Variants in HSD17B12 observed in about 807,000 individuals in gnomAD.
HSD17B12 encodes very-long-chain 3-oxoacyl-CoA reductase.
HSD17B12 carries 32 observed loss-of-function variants against 39.3 expected under a neutral mutation model. The ratio of observed to expected loss-of-function variants is 0.81; its 90% CI spans 0.61 to 1.09. The LOEUF (loss-of-function observed/expected upper bound fraction) is 1.09. Ranked by LOEUF, HSD17B12 falls within the 50% of genes least tolerant of loss-of-function variation. The probability of loss-of-function intolerance (pLI) is 0.00; values close to 1 mark genes in which losing one functional copy is unlikely to be tolerated. For missense variants in HSD17B12, 342 were observed against 382.9 expected (o/e 0.89, Z 0.89); for synonymous variants, 150 against 146.7 (o/e 1.02, Z -0.16).
intron 1 of HSD17B12, among the ~76,000 whole-genome samples, chr11:43,733,462 CAT>C (rs1450721531): frequency 6.6e-6 from 1 of 152,158 alleles, no homozygotes; most frequent in Non-Finnish European, 1.5e-5. Flanking sequence ...GTGTTTGGCA[CAT>C]GTTAGGCACT....
chr11:43,701,628 G>C (rs1157876648), intron 1 of HSD17B12, among the ~76,000 whole-genome samples: 1 of 152,126 alleles, frequency 6.6e-6, no homozygotes, highest in Non-Finnish European at 1.5e-5. Flanking sequence ...TGTTGAAAAT[G>C]AGTTCACTGT....
At chr11:43,811,266 C>G (rs757179940) in intron 4 of HSD17B12, among the ~76,000 whole-genome samples, 2 of 152,154 alleles carry the variant, frequency 1.3e-5, no homozygotes, top group Admixed American at 6.5e-5. Context: ...TTTCTCTATA[C>G]TCCTAAATAA....
chr11:43,677,046 G>A (rs1224605401), upstream of HSD17B12, among the ~76,000 whole-genome samples: 2 of 152,072 alleles, frequency 1.3e-5, no homozygotes, highest in Non-Finnish European at 2.9e-5. Context: ...CCCAGCCAAA[G>A]GTACCAAATT....
chr11:43,594,277 T>C, the HSD17B12 span, among the ~76,000 whole-genome samples: 12 of 152,214 alleles, frequency 7.9e-5, no homozygotes, highest in South Asian at 4.1e-4. Flanking sequence ...AAAAAAATTA[T>C]AGCAATTTCT....
chr11:43,837,004 G>A (rs2139153), intron 7 of HSD17B12, among the ~76,000 whole-genome samples: 99,738 of 151,874 alleles, frequency 0.66, 33,079 homozygotes, highest in East Asian at 0.76. Flanking sequence ...ATCTTAATGG[G>A]TTTCACAGTT....
the HSD17B12 span, among the ~76,000 whole-genome samples, chr11:43,666,917 A>G: frequency 6.6e-6 from 1 of 152,214 alleles, no homozygotes; most frequent in East Asian, 1.9e-4. Flanking sequence ...AGGACGAATA[A>G]CCAACTATTC....
chr11:43,735,760 G>GA (rs1214797324), intron 1 of HSD17B12, among the ~76,000 whole-genome samples: 3 of 152,180 alleles, frequency 2.0e-5, no homozygotes, highest in Non-Finnish European at 4.4e-5. Flanking sequence ...CATTTATAAA[G>GA]AAAAGAGGTT....
At chr11:43,690,393 TATATATATATA>T (rs1469866830) in intron 1 of HSD17B12, among the ~76,000 whole-genome samples, 15 of 27,730 alleles carry the variant, frequency 5.4e-4, no homozygotes, top group Non-Finnish European at 6.7e-4. Flanking sequence ...TATATATATA[TATATATATATA>T]TTTTTTTTTT....
At chr11:43,617,005 A>G in the HSD17B12 span, among the ~76,000 whole-genome samples, 16 of 151,628 alleles carry the variant, frequency 1.1e-4, no homozygotes, top group Middle Eastern at 6.8e-3. Context: ...AAAAGAAAAA[A>G]AAATCCGGGG....
chr11:43,765,178 T>C (rs549862048), intron 3 of HSD17B12, among the ~76,000 whole-genome samples: 18 of 152,272 alleles, frequency 1.2e-4, no homozygotes, highest in African/African-American at 4.3e-4. Context: ...CCTTTTCCCC[T>C]GTCTGAAGGT....
intron 1 of HSD17B12, chr11:43,734,435 G>T: frequency 2.7e-6 from 2 of 740,428 alleles, no homozygotes; most frequent in African/African-American, 1.7e-5. Context: ...CAACTCACTG[G>T]CCACCGCAGG....
chr11:43,651,928 A>G, the HSD17B12 span, among the ~76,000 whole-genome samples: 1 of 152,210 alleles, frequency 6.6e-6, no homozygotes, highest in Non-Finnish European at 1.5e-5. Context: ...AGGGATACAT[A>G]TAACAAATAT....
rs1429711807 is a variant in HSD17B12, at chr11:43,681,225, C to T, written c.160+238C>T. The T allele has an allele frequency of 2.4e-5, 29 of 1,195,480 alleles. No individual in the cohort carries two copies. In the East Asian group the frequency reaches 9.3e-4, roughly 38 times the overall value. 74.1% of individuals were successfully genotyped at this position (1,195,480 alleles called of 1,614,324 possible). A position where few individuals can be genotyped will look rare whatever the true frequency, so the allele number is the denominator to read the frequency against. The stretch of plus-strand genomic sequence containing the variant: ...TCGCTCAATCCTGGGAATCTAAGCT[C>T]AGCTTAGGGTGTAGGAGAAAACTGC... On this transcript the variant is annotated intron_variant, in intron 1 of 10. Transcript: ENST00000278353.
the HSD17B12 span, among the ~76,000 whole-genome samples, chr11:43,587,806 A>G: frequency 6.6e-6 from 1 of 152,214 alleles, no homozygotes; most frequent in Admixed American, 6.5e-5. Flanking sequence ...TCACAATGCC[A>G]GGGCTCACAG....
intron 1 of HSD17B12, among the ~76,000 whole-genome samples, chr11:43,708,009 C>G (rs138301654): frequency 2.9e-4 from 44 of 152,218 alleles, no homozygotes; most frequent in Non-Finnish European, 6.2e-4. Flanking sequence ...ATGCTTGTGT[C>G]TTTTTTTGTA....
intron 1 of HSD17B12, among the ~76,000 whole-genome samples, chr11:43,699,596 A>G (rs1009780483): frequency 5.9e-5 from 9 of 152,122 alleles, no homozygotes; most frequent in African/African-American, 2.2e-4. Context: ...GTTTTTTTCA[A>G]ATTGTTTGTT....
chr11:43,830,157 T>C (rs1003677102), intron 6 of HSD17B12: 3 of 152,252 alleles, frequency 2.0e-5, no homozygotes, highest in African/African-American at 4.8e-5. Context: ...AAAATTTCTA[T>C]GCTTAGCATG....
At chr11:43,576,884 C>A in the HSD17B12 span, among the ~76,000 whole-genome samples, 1 of 152,066 alleles carries the variant, frequency 6.6e-6, no homozygotes, top group African/African-American at 2.4e-5. Context: ...AACTCTCTCT[C>A]GCGTTATGGG....
the HSD17B12 span, among the ~76,000 whole-genome samples, chr11:43,560,507 C>G: frequency 2.2e-4 from 33 of 152,292 alleles, 1 homozygote; most frequent in African/African-American, 7.9e-4. Flanking sequence ...GCATCTGGTT[C>G]AAACAGAAAG....
Sources: gnomAD v4.1 joint callset for allele counts (sites outside exome capture counted in the v4.1 genomes callset) on GRCh38, gnomAD v4.1.1 for gene constraint, MANE v1.5 for transcripts, NCBI Gene and HGNC (gene_info 2026-07-23, HGNC 2026-07-21) for gene names.